Variants in FTSJ3 observed in about 807,000 individuals in gnomAD.
FTSJ3 encodes the protein FtsJ RNA 2'-O-methyltransferase 3.
Under a neutral mutation model 111.5 loss-of-function variants are expected in FTSJ3, and 46 were observed. The observed-to-expected ratio is 0.41, with a 90% CI of 0.33 to 0.53. FTSJ3 has a LOEUF of 0.53. Ranked by LOEUF, FTSJ3 falls within the 20% of genes least tolerant of loss-of-function variation. The pLI, the probability that FTSJ3 is intolerant of heterozygous loss-of-function variation, is 0.19. For missense variants in FTSJ3, 1,075 were observed against 1,063.8 expected, an observed-to-expected ratio of 1.01 and a Z score of -0.15; for synonymous variants, 408 against 383.0, an observed-to-expected ratio of 1.07 and a Z score of -0.76.
chr17:63,826,525 G>A, intron 3 of FTSJ3, 42 bp downstream of exon 3: 1 of 1,522,604 alleles, frequency 6.6e-7, no homozygotes, highest in Non-Finnish European at 9.1e-7. Flanking sequence ...TCAGAACCCA[G>A]AAAGCGGCCA....
At position 63,825,225 on chromosome 17, in the gene FTSJ3, A is replaced by G. The variant is rs1350552675; in HGVS notation, c.595+17T>C. 8 of 1,613,976 alleles carry G rather than the reference A, an allele frequency of 5.0e-6. No homozygotes were observed. Among genetic ancestry groups the G allele is most frequent in the Non-Finnish European group, 6.8e-6 (8 of 1,180,016 alleles). On this transcript the variant is annotated intron_variant, in intron 7 of 20. Coordinates refer to ENST00000427159, the MANE Select transcript of FTSJ3 (RefSeq NM_017647.4). ...GGAGTTGGGAGCCTGGATCAAGAGAAAGGAAATGATGCCCACCTTGGCAGA... is the reference window on the plus strand; with the variant it reads ...GGAGTTGGGAGCCTGGATCAAGAGAGAGGAAATGATGCCCACCTTGGCAGA...
chr17:63,823,602 A>T (rs921728399), intron 13 of FTSJ3: 18 of 543,136 alleles, frequency 3.3e-5, no homozygotes, highest in Middle Eastern at 5.2e-4. Context: ...CTCAAAAAAA[A>T]AAAAAATAAA....
intron 17 of FTSJ3, 29 bp downstream of exon 17, chr17:63,820,997 CTTTT>C: frequency 6.2e-7 from 1 of 1,607,418 alleles, no homozygotes; most frequent in South Asian, 1.1e-5. Flanking sequence ...TTCCAGTGGT[CTTTT>C]CTCATTCCAC....
In FTSJ3 at chr17:63,827,306, C is replaced by T; in HGVS notation, c.-281G>A. 1 of 717,132 alleles carries T rather than the reference C, an allele frequency of 1.4e-6. No homozygotes were observed. The highest frequency in any genetic ancestry group is 2.3e-6 in the Non-Finnish European group (1 of 428,482). The allele number at this position is 717,132 out of a possible 1,614,324, so 44.4% of individuals were successfully genotyped here. A position where few individuals can be genotyped will look rare whatever the true frequency, so the allele number is the denominator to read the frequency against. On this transcript the variant is annotated 5_prime_UTR_variant, in exon 1 of 21. Transcript: ENST00000427159. ...AGGAGTTCTACTCCTTCCTCATCCC[C>T]TTCCAAAGCCCCTGAACTCGAGTAG...
Position 63,820,508 on chromosome 17 carries a change from C to T in FTSJ3, c.2073-70G>A, listed in dbSNP as rs775507964. 3.0e-5 allele frequency: 44 copies of T among 1,485,616 alleles called. No homozygotes were observed. In the Admixed American group the frequency reaches 3.6e-4, roughly 12 times the overall value. The allele number at this position is 1,485,616 out of a possible 1,614,324, so 92.0% of individuals were successfully genotyped here. On this transcript the variant is annotated intron_variant, in intron 18 of 20. Transcript: ENST00000427159. ...TCTAAAGAAATTACCAGACTGGGCA[C>T]GGTGGCTCACGCCTGTAATCCCTGC... is the stretch of plus-strand genomic sequence containing the variant.
In FTSJ3 at chr17:63,820,192, G is replaced by A. The variant is rs766849215; in HGVS notation, c.2257-19C>T. The A allele has an allele frequency of 6.2e-6, 10 of 1,613,662 alleles. No homozygotes were observed. The South Asian group carries it at 1.1e-4, about 18-fold the overall frequency. ...TCAGCATCTGCAAAGGAACCTGTCA[G>A]GTGACCTCTTCCCCATCCCCCCACC... is the stretch of plus-strand genomic sequence containing the variant. On this transcript the variant is annotated intron_variant, in intron 19 of 20. Coordinates refer to ENST00000427159, the MANE Select transcript of FTSJ3 (RefSeq NM_017647.4).
chr17:63,826,317 CAG>C lies in FTSJ3; in HGVS notation c.174-15_174-14del, dbSNP rs151001963. The stretch of plus-strand genomic sequence containing the variant: ...AGCTACCTGCAGCCTATAAAAGGAA[CAG>C]AAATTTAAAAACCTAGAGCCATCCT... On this transcript the variant is annotated splice_polypyrimidine_tract_variant and intron_variant, in intron 3 of 20. Transcript: ENST00000427159. 2.0e-3 allele frequency: 3,162 copies of C among 1,613,900 alleles called. 42 individuals carry two copies. The African/African-American group carries it at 0.032, about 16-fold the overall frequency.
rs759556216 is a variant in FTSJ3, at chr17:63,825,120, G to A, written c.639C>T (p.Pro213=). 1 of 1,614,104 alleles carries A rather than the reference G, an allele frequency of 6.2e-7. No individual in the cohort carries two copies. The highest frequency in any genetic ancestry group is 8.5e-7 in the Non-Finnish European group (1 of 1,180,020). ...CTTCAACCTCCTTAAAGGCAAATTT[G>A]GGGTCAAAGAATTTACTGTCAACCT... ...PDKVDSKFFD[P]KFAFKEVEVQ... Residue 213 remains proline, a synonymous_variant, in exon 8 of 21, where the codon CCC becomes CCT. Coordinates refer to ENST00000427159, the MANE Select transcript of FTSJ3 (RefSeq NM_017647.4).
chr17:63,826,178 G>C (rs902187452), intron 4 of FTSJ3, 43 bp from the exon 5 acceptor site: 22 of 1,610,550 alleles, frequency 1.4e-5, no homozygotes, highest in Non-Finnish European at 1.9e-5. Context: ...GTTGCTTCAA[G>C]CAGGGAGGAG....
rs868816249 is a variant in FTSJ3 at position 63,827,521 on chromosome 17, C to T, written c.-496G>A. ...GCTTGACGGACCAGAGCAGGTATGG[C>T]GGGTGCAGTGGCGGCCCGGCAGGTT... On this transcript the variant is annotated 5_prime_UTR_variant, in exon 1 of 21. Transcript: ENST00000427159. 1.3e-6 allele frequency: 2 copies of T among 1,551,546 alleles called. No homozygotes were observed. The highest frequency in any genetic ancestry group is 2.4e-5 in the East Asian group (1 of 40,930).
rs951213775 is a variant in FTSJ3 at position 63,827,053 on chromosome 17, T to C, written c.-28A>G. ...CCCGCGCCCCTCTCCGCACACTACC[T>C]AGACCCAGAGCCGCTTTCTCCACAC... is the stretch of plus-strand genomic sequence containing the variant. On this transcript the variant is annotated splice_region_variant and 5_prime_UTR_variant, in exon 1 of 21. It removes the in-frame stop codon of an upstream open reading frame in the 5' UTR. Transcript: ENST00000427159. 1 of 735,638 alleles carries C rather than the reference T, an allele frequency of 1.4e-6. No individual in the cohort carries two copies. Among genetic ancestry groups the C allele is most frequent in the East Asian group, 2.6e-5 (1 of 38,712 alleles). The allele number at this position is 735,638 out of a possible 1,614,324, so 45.6% of individuals were successfully genotyped here. A position where few individuals can be genotyped will look rare whatever the true frequency, so the allele number is the denominator to read the frequency against.
Position 63,821,403 on chromosome 17 carries a change from C to T in FTSJ3, c.1837G>A (p.Asp613Asn). Residue 613 changes from aspartate (D) to asparagine (N), a missense_variant, in exon 16 of 21, where the codon GAT (aspartate) becomes AAT (asparagine). This residue lies in a region of FTSJ3 where 867 missense variants were observed against 796.9 expected (regional missense o/e 1.09). Transcript: ENST00000427159. Reference sequence around the variant, plus strand: ...CTGCTATCACTGTCTGAGATGCCATCCTTTTCTTCCCCTTCAAGGCCAGTG... The same window carrying T: ...CTGCTATCACTGTCTGAGATGCCATTCTTTTCTTCCCCTTCAAGGCCAGTG... ...AATGLEGEEKDGISDSDSSTS... is the reference protein window; with the variant it reads ...AATGLEGEEKNGISDSDSSTS... 1 of 1,614,022 alleles carries T rather than the reference C, an allele frequency of 6.2e-7. No individual in the cohort carries two copies. The highest frequency in any genetic ancestry group is 8.5e-7 in the Non-Finnish European group (1 of 1,180,024).
At position 63,827,179 on chromosome 17, in the gene FTSJ3, T is replaced by G; in HGVS notation, c.-154A>C. 1 of 605,864 alleles carries G rather than the reference T, an allele frequency of 1.7e-6. No homozygotes were observed. The highest frequency in any genetic ancestry group is 2.9e-6 in the Non-Finnish European group (1 of 342,170). The allele number at this position is 605,864 out of a possible 1,614,324, so 37.5% of individuals were successfully genotyped here. The stretch of plus-strand genomic sequence containing the variant: ...CGCCATTTTGAGTGTGGCCCTAGAT[T>G]GTTCTCAATACTCTGTCCTTGGGTT... On this transcript the variant is annotated 5_prime_UTR_variant, in exon 1 of 21. Coordinates refer to ENST00000427159, the MANE Select transcript of FTSJ3 (RefSeq NM_017647.4).
intron 12 of FTSJ3, 21 bp from the exon 13 acceptor site, chr17:63,823,973 A>T (rs763343548): frequency 6.2e-7 from 1 of 1,614,122 alleles, no homozygotes; most frequent in Non-Finnish European, 8.5e-7. Flanking sequence ...GGATTGAGGG[A>T]GTAAAACCGG....
rs1429900625 is a variant in FTSJ3, at chr17:63,823,614, C to T, written c.1290+203G>A. 5 of 561,656 alleles carry T rather than the reference C, an allele frequency of 8.9e-6. No homozygotes were observed. The East Asian group carries it at 1.2e-4, about 13-fold the overall frequency. 34.8% of individuals were successfully genotyped at this position (561,656 alleles called of 1,614,324 possible). ...CGTCTCAAAAAAAAAAAAAATAAATCTATCACACTCATCTATCTACCTAAC... is the reference window on the plus strand; with the variant it reads ...CGTCTCAAAAAAAAAAAAAATAAATTTATCACACTCATCTATCTACCTAAC... On this transcript the variant is annotated intron_variant, in intron 13 of 20. Transcript: ENST00000427159.
chr17:63,822,565 G>A lies in FTSJ3; in HGVS notation c.1291-397C>T, dbSNP rs141039582. On this transcript the variant is annotated intron_variant, in intron 13 of 20. Transcript: ENST00000427159. ...GTTTCCACTGAATAAAAGGGGCCCA[G>A]CCAACATACATCCAACAAAACTGTT... Among the ~76,000 whole-genome samples the A allele has an allele frequency of 2.0e-3, 309 of 152,316 alleles. 3 individuals carry two copies. Among genetic ancestry groups the A allele is most frequent in the African/African-American group, 6.9e-3 (288 of 41,570 alleles).
At chr17:63,824,792 G>A in intron 9 of FTSJ3, 33 bp downstream of exon 9, 1 of 1,604,090 alleles carries the variant, frequency 6.2e-7, no homozygotes, top group South Asian at 1.1e-5. Flanking sequence ...TGTTTCTGGG[G>A]CTACCTCATG....
rs375155785 is a variant in FTSJ3 at position 63,820,978 on chromosome 17, T to C, written c.1973-40A>G. ...AGAAAGGTCAAAGCTCAATTCCCAA[T>C]ACTGAGACTTCCAGTGGTCTTTTCT... On this transcript the variant is annotated intron_variant, in intron 17 of 20. Transcript: ENST00000427159. 149 of 1,610,192 alleles carry C rather than the reference T, an allele frequency of 9.3e-5. No homozygotes were observed. The East Asian group carries it at 3.0e-3, about 32-fold the overall frequency.
intron 13 of FTSJ3, 92 bp downstream of exon 13, chr17:63,823,725 G>C: frequency 7.0e-7 from 1 of 1,436,058 alleles, no homozygotes; most frequent in Non-Finnish European, 9.5e-7. Context: ...CCTATCGTTC[G>C]GCAACCTAAA....
Sources: allele counts gnomAD v4.1 joint callset (sites outside exome capture counted in the v4.1 genomes callset), GRCh38; gene constraint gnomAD v4.1.1; regional missense constraint gnomAD v4.1.1; transcripts MANE v1.5; gene names NCBI Gene and HGNC (gene_info 2026-07-23, HGNC 2026-07-21).